FER: variants seen among roughly 807,000 people sequenced by gnomAD.
FER encodes the protein tyrosine-protein kinase Fer.
In FER, 63 loss-of-function variants were observed where a neutral mutation model predicts 111.0. The observed-to-expected ratio is 0.57, with a 90% CI of 0.46 to 0.70. FER has a LOEUF of 0.70. FER is among the 30% of genes least tolerant of loss of function. FER has a pLI of 0.00. For missense variants in FER, 914 were observed against 954.0 expected, an observed-to-expected ratio of 0.96 and a Z score of 0.55; for synonymous variants, 327 against 313.9, an observed-to-expected ratio of 1.04 and a Z score of -0.44.
chr5:108,950,690 G>C (rs1414468305), intron 11 of FER, among the ~76,000 whole-genome samples: 3 of 151,924 alleles, frequency 2.0e-5, no homozygotes, highest in African/African-American at 7.3e-5. Context: ...TTAAAAAACT[G>C]GAAGGGAGAA....
intron 10 of FER, among the ~76,000 whole-genome samples, chr5:108,912,993 A>G (rs187125912): frequency 7.9e-4 from 120 of 152,298 alleles, no homozygotes; most frequent in African/African-American, 2.6e-3. Context: ...CCTTGGGTAT[A>G]AGAATCATTT....
intron 2 of FER, among the ~76,000 whole-genome samples, chr5:108,775,352 G>A (rs1195268472): frequency 1.3e-5 from 2 of 152,078 alleles, no homozygotes; most frequent in South Asian, 2.1e-4. Flanking sequence ...ACTGTAAATT[G>A]TTTGAAGGCA....
intron 5 of FER, among the ~76,000 whole-genome samples, chr5:108,844,360 A>T (rs933963491): frequency 2.0e-5 from 3 of 152,192 alleles, no homozygotes; most frequent in African/African-American, 7.2e-5. Context: ...TTTCAAATTC[A>T]TTACAAAAAT....
intron 17 of FER, among the ~76,000 whole-genome samples, chr5:109,128,873 T>C (rs937268154): frequency 6.6e-6 from 1 of 151,980 alleles, no homozygotes; most frequent in Non-Finnish European, 1.5e-5. Context: ...TGAGAAAACA[T>C]TGTAAAATAA....
At chr5:108,814,149 C>T (rs1758040487) in intron 3 of FER, among the ~76,000 whole-genome samples, 1 of 152,024 alleles carries the variant, frequency 6.6e-6, no homozygotes, top group South Asian at 2.1e-4. Context: ...TCACTTATTT[C>T]ATTTATTTAA....
At chr5:109,010,486 T>A (rs1440187461) in intron 13 of FER, among the ~76,000 whole-genome samples, 1 of 152,094 alleles carries the variant, frequency 6.6e-6, no homozygotes, top group Non-Finnish European at 1.5e-5. Context: ...TGTTTTGTGT[T>A]CCTGTTCTCT....
rs1337266168 is a variant in FER, at chr5:108,845,062, A to G, written c.481+9255A>G. Reference sequence around the variant, plus strand: ...TATACATATATATATATATATATATATATATACACACACACACACACACAC... The same window carrying G: ...TATACATATATATATATATATATATGTATATACACACACACACACACACAC... On this transcript the variant is annotated intron_variant, in intron 5 of 19. Coordinates refer to ENST00000281092, the MANE Select transcript of FER (RefSeq NM_005246.4). Among the ~76,000 whole-genome samples, 30 of 70,764 alleles carry G rather than the reference A, an allele frequency of 4.2e-4. 1 individual carries two copies. Among genetic ancestry groups the G allele is most frequent in the African/African-American group, 1.7e-3 (27 of 16,004 alleles). The allele number at this position is 70,764 out of a possible 152,430, so 46.4% of individuals were successfully genotyped here. A position where few individuals can be genotyped will look rare whatever the true frequency, so the allele number is the denominator to read the frequency against.
intron 17 of FER, among the ~76,000 whole-genome samples, chr5:109,117,006 G>A (rs538668653): frequency 2.2e-4 from 33 of 152,168 alleles, no homozygotes; most frequent in Middle Eastern, 3.4e-3. Flanking sequence ...GGAACCTTTC[G>A]TGAGACAATT....
At chr5:109,036,304 A>G (rs1477094415) in intron 13 of FER, among the ~76,000 whole-genome samples, 2 of 152,118 alleles carry the variant, frequency 1.3e-5, no homozygotes, top group Non-Finnish European at 2.9e-5. Flanking sequence ...TGAAAAAACT[A>G]TGCATAAAAA....
chr5:109,075,290 AG>A (rs1776194767), intron 16 of FER, among the ~76,000 whole-genome samples: 1 of 152,178 alleles, frequency 6.6e-6, no homozygotes, highest in Admixed American at 6.6e-5. Flanking sequence ...TTGTTATCTA[AG>A]CATGGTATGT....
chr5:108,963,707 T>A (rs1277491547), intron 13 of FER, among the ~76,000 whole-genome samples: 2 of 152,184 alleles, frequency 1.3e-5, no homozygotes, highest in African/African-American at 4.8e-5. Flanking sequence ...ATATTAGAGT[T>A]AGATTTGTGA....
intron 17 of FER, among the ~76,000 whole-genome samples, chr5:109,156,192 C>T (rs1305283848): frequency 6.6e-6 from 1 of 151,826 alleles, no homozygotes; most frequent in Non-Finnish European, 1.5e-5. Context: ...CAGAGACAAG[C>T]CAGGAGGTAA....
At chr5:108,985,941 G>T (rs1359080970) in intron 13 of FER, among the ~76,000 whole-genome samples, 1 of 152,068 alleles carries the variant, frequency 6.6e-6, no homozygotes, top group Non-Finnish European at 1.5e-5. Context: ...CTTTTCCTCT[G>T]GATAGATACC....
At chr5:109,051,839 T>C in intron 16 of FER, 2 of 1,596,494 alleles carry the variant, frequency 1.3e-6, no homozygotes, top group Admixed American at 1.7e-5. Context: ...ATGATGAAGA[T>C]GGTTTTCTCC....
intron 3 of FER, among the ~76,000 whole-genome samples, chr5:108,831,895 C>G (rs889619231): frequency 6.6e-6 from 1 of 152,048 alleles, no homozygotes; most frequent in African/African-American, 2.4e-5. Context: ...TCTTTTGGAT[C>G]CACTGTGTCA....
chr5:108,847,155 A>C (rs1402009373), intron 5 of FER, among the ~76,000 whole-genome samples: 1 of 147,508 alleles, frequency 6.8e-6, no homozygotes, highest in African/African-American at 2.5e-5. Context: ...TTCCTTAAAT[A>C]CTTTTTTTTT....
intron 16 of FER, among the ~76,000 whole-genome samples, chr5:109,076,330 C>G (rs1003386099): frequency 6.6e-6 from 1 of 152,088 alleles, no homozygotes; most frequent in African/African-American, 2.4e-5. Flanking sequence ...AAATTTTACC[C>G]TGTTTTTATT....
intron 13 of FER, among the ~76,000 whole-genome samples, chr5:108,965,052 T>A (rs1006592412): frequency 6.6e-6 from 1 of 152,158 alleles, no homozygotes; most frequent in African/African-American, 2.4e-5. Context: ...ACTCACAGTT[T>A]GAAAAAAACG....
At chr5:108,854,971 AAGC>A (rs1762860977) in intron 5 of FER, among the ~76,000 whole-genome samples, 1 of 149,266 alleles carries the variant, frequency 6.7e-6, no homozygotes, top group Non-Finnish European at 1.5e-5. Flanking sequence ...AAAAAAAAAA[AAGC>A]GTAGAGGATT....
Sources: allele counts gnomAD v4.1 joint callset (sites outside exome capture counted in the v4.1 genomes callset), GRCh38; gene constraint gnomAD v4.1.1; transcripts MANE v1.5; gene names NCBI Gene and HGNC (gene_info 2026-07-23, HGNC 2026-07-21).